ARHGAP26: variants seen among roughly 807,000 people sequenced by gnomAD.
ARHGAP26 encodes rho GTPase-activating protein 26.
Under a neutral mutation model 104.8 loss-of-function variants are expected in ARHGAP26, and 38 were observed. The observed-to-expected ratio is 0.36, with a 90% CI of 0.28 to 0.48. The LOEUF is 0.48. Among genes scored for constraint, ARHGAP26 ranks in the 20% least tolerant of loss-of-function variants. The probability of loss-of-function intolerance (pLI) is 0.99; values close to 1 mark genes in which losing one functional copy is unlikely to be tolerated. For missense variants in ARHGAP26, 704 were observed against 947.9 expected, an observed-to-expected ratio of 0.74 and a Z score of 3.38; for synonymous variants, 341 against 340.0, an observed-to-expected ratio of 1.00 and a Z score of -0.03.
rs990799854 is a variant in ARHGAP26 at position 143,222,829 on chromosome 5, G to A, written c.*383G>A. ...GAGAGCACACTGTGTAGCTAAGCCT[G>A]CTGGGGCTGGGTGAAGAAATTGGCG... On this transcript the variant is annotated 3_prime_UTR_variant, in exon 23 of 23. Transcript: ENST00000645722. The A allele has an allele frequency of 1.3e-5, 3 of 235,362 alleles. No homozygotes were observed. The highest frequency in any genetic ancestry group is 6.6e-5 in the African/African-American group (3 of 45,462). 14.6% of individuals were successfully genotyped at this position (235,362 alleles called of 1,614,324 possible).
At chr5:143,133,340 A>G (rs773533600) in intron 18 of ARHGAP26, among the ~76,000 whole-genome samples, 2 of 152,104 alleles carry the variant, frequency 1.3e-5, no homozygotes, top group African/African-American at 2.4e-5. Flanking sequence ...CAAATTGTCC[A>G]TAGTACGTGT....
At chr5:143,190,153 C>T (rs1250670972) in intron 20 of ARHGAP26, among the ~76,000 whole-genome samples, 2 of 152,068 alleles carry the variant, frequency 1.3e-5, no homozygotes, top group African/African-American at 4.8e-5. Context: ...TTACAGCTTC[C>T]TTGGTAAGAG....
intron 1 of ARHGAP26, among the ~76,000 whole-genome samples, chr5:142,870,854 C>A (rs1009542019): frequency 6.6e-6 from 1 of 152,164 alleles, no homozygotes; most frequent in African/African-American, 2.4e-5. Context: ...ATCACCCTGT[C>A]ACCATCACCC....
intron 14 of ARHGAP26, among the ~76,000 whole-genome samples, chr5:143,048,787 A>T (rs1784578330): frequency 1.3e-5 from 2 of 151,476 alleles, no homozygotes; most frequent in Non-Finnish European, 2.9e-5. Flanking sequence ...GGTGGTGCAC[A>T]TCTGTAGTCC....
chr5:143,185,329 T>G (rs1042772592), intron 20 of ARHGAP26, among the ~76,000 whole-genome samples: 3 of 147,284 alleles, frequency 2.0e-5, no homozygotes, highest in Non-Finnish European at 3.0e-5. Context: ...ATTGGTTTGG[T>G]TTTGTCTTTT....
intron 11 of ARHGAP26, among the ~76,000 whole-genome samples, chr5:142,942,405 A>G (rs1172293647): frequency 6.6e-6 from 1 of 152,244 alleles, no homozygotes; most frequent in Non-Finnish European, 1.5e-5. Flanking sequence ...TACAATAAAC[A>G]TGAAATAAGA....
intron 12 of ARHGAP26, among the ~76,000 whole-genome samples, chr5:143,020,346 C>G (rs1262537871): frequency 1.3e-5 from 2 of 152,172 alleles, no homozygotes; most frequent in African/African-American, 4.8e-5. Flanking sequence ...ACCTTTAAAG[C>G]TCATGTGATC....
At chr5:142,953,702 G>A (rs1160305357) in intron 11 of ARHGAP26, among the ~76,000 whole-genome samples, 4 of 152,186 alleles carry the variant, frequency 2.6e-5, no homozygotes, top group Admixed American at 2.6e-4. Flanking sequence ...TTAATTTAGT[G>A]AGGTAAAACT....
intron 17 of ARHGAP26, among the ~76,000 whole-genome samples, chr5:143,073,082 CT>C (rs1217854732): frequency 1.3e-5 from 2 of 152,096 alleles, no homozygotes; most frequent in African/African-American, 4.8e-5. Context: ...TAAATCTGAT[CT>C]TAGCTGAAAC....
At chr5:142,862,806 G>A (rs947243642) in intron 1 of ARHGAP26, among the ~76,000 whole-genome samples, 5 of 152,184 alleles carry the variant, frequency 3.3e-5, no homozygotes. Flanking sequence ...AGTTTACGAC[G>A]ATAAATTTTC....
rs66480874 is a variant in ARHGAP26, at chr5:142,928,248, T to TAA, written c.1029-3796_1029-3795dup. On this transcript the variant is annotated intron_variant, in intron 10 of 22. Transcript: ENST00000645722. ...GTGTGTGTGTTTTTTTTTTTTTTTT[T>TAA]AAAACTCATTGCCTTTTCCATCTCT... 2.6e-3 allele frequency among the ~76,000 whole-genome samples: 381 copies of TAA among 145,244 alleles called. 1 individual carries two copies. The highest frequency in any genetic ancestry group is 8.9e-3 in the African/African-American group (334 of 37,690).
chr5:142,863,483 G>C (rs1239157986), intron 1 of ARHGAP26, among the ~76,000 whole-genome samples: 1 of 152,226 alleles, frequency 6.6e-6, no homozygotes, highest in Non-Finnish European at 1.5e-5. Context: ...GGCTGCACAA[G>C]GAGACACGCC....
intron 18 of ARHGAP26, among the ~76,000 whole-genome samples, chr5:143,128,501 A>G (rs1796968423): frequency 6.6e-6 from 1 of 152,216 alleles, no homozygotes; most frequent in Non-Finnish European, 1.5e-5. Flanking sequence ...TCAACAGGAC[A>G]TAGGACTTCC....
At chr5:143,153,115 T>C (rs1800039530) in intron 20 of ARHGAP26, among the ~76,000 whole-genome samples, 1 of 152,136 alleles carries the variant, frequency 6.6e-6, no homozygotes, top group Admixed American at 6.5e-5. Flanking sequence ...TAGTGCAGCA[T>C]GGAGACTAGC....
chr5:142,923,022 G>A (rs892863871), intron 10 of ARHGAP26, among the ~76,000 whole-genome samples: 4 of 151,800 alleles, frequency 2.6e-5, no homozygotes, highest in Non-Finnish European at 5.9e-5. Context: ...TGGCTGTTCT[G>A]TAAAATAAGT....
At chr5:142,811,750 T>C (rs1561882488) in intron 1 of ARHGAP26, among the ~76,000 whole-genome samples, 1 of 152,238 alleles carries the variant, frequency 6.6e-6, no homozygotes, top group Admixed American at 6.5e-5. Context: ...GGCGTGCAGC[T>C]ATTACTTAAT....
At chr5:143,010,874 G>C (rs1339757664) in intron 11 of ARHGAP26, 2 of 152,216 alleles carry the variant, frequency 1.3e-5, no homozygotes, top group East Asian at 3.8e-4. Flanking sequence ...TAGAATGTTT[G>C]AATTTACTAG....
chr5:142,884,362 A>G (rs1757421248), intron 4 of ARHGAP26, among the ~76,000 whole-genome samples: 1 of 152,264 alleles, frequency 6.6e-6, no homozygotes, highest in Admixed American at 6.5e-5. Context: ...ATAGAACCAC[A>G]GTGACCCAAT....
intron 1 of ARHGAP26, among the ~76,000 whole-genome samples, chr5:142,808,322 C>G (rs1193037855): frequency 7.0e-5 from 9 of 129,342 alleles, no homozygotes; most frequent in Non-Finnish European, 1.1e-4. Flanking sequence ...ATTTGCATGT[C>G]TTTTCTGCTT....
Sources: allele counts gnomAD v4.1 joint callset (sites outside exome capture counted in the v4.1 genomes callset), GRCh38; gene constraint gnomAD v4.1.1; transcripts MANE v1.5; gene names NCBI Gene and HGNC (gene_info 2026-07-23, HGNC 2026-07-21).